Variants in KIRREL3 observed in about 807,000 individuals in gnomAD.
The protein encoded by KIRREL3 is kin of IRRE-like protein 3.
KIRREL3 carries 36 observed loss-of-function variants against 89.7 expected under a neutral mutation model. That is an observed-to-expected ratio of 0.40 (90% confidence interval 0.31 to 0.53). The LOEUF is 0.53. KIRREL3 is among the 20% of genes least tolerant of loss of function. KIRREL3 has a pLI of 0.49. For synonymous variants in KIRREL3, 445 were observed against 441.4 expected (o/e 1.01, Z -0.10); for missense variants, 864 against 1,056.6 (o/e 0.82, Z 2.53).
At position 126,561,064 on chromosome 11, in the gene KIRREL3, CG is replaced by C. The variant is rs1940083979; in HGVS notation, c.133+1770del. Among the ~76,000 whole-genome samples, 1 of 152,152 alleles carries C rather than the reference CG, an allele frequency of 6.6e-6. No individual in the cohort carries two copies. The highest frequency in any genetic ancestry group is 2.4e-5 in the African/African-American group (1 of 41,436). On this transcript the variant is annotated intron_variant, in intron 2 of 16. Coordinates refer to ENST00000525144, the MANE Select transcript of KIRREL3 (RefSeq NM_032531.4). This position sits in a 1 kb window ranked among gnomAD's most constrained non-coding sequence, Gnocchi z 4.5. ...ATCTGCAGACATGTTGGAGTTTGGGCGTATGAGCTTTAGAGAGAGAGAAATG... is the reference window on the plus strand; with the variant it reads ...ATCTGCAGACATGTTGGAGTTTGGGCTATGAGCTTTAGAGAGAGAGAAATG...
At chr11:126,856,223 T>C (rs1944501912) in intron 1 of KIRREL3, among the ~76,000 whole-genome samples, 1 of 152,150 alleles carries the variant, frequency 6.6e-6, no homozygotes, top group Non-Finnish European at 1.5e-5. Context: ...CACCAAGATC[T>C]TCATTAAAAT....
At chr11:126,794,862 G>A (rs1950755141) in intron 1 of KIRREL3, among the ~76,000 whole-genome samples, 1 of 152,202 alleles carries the variant, frequency 6.6e-6, no homozygotes, top group Admixed American at 6.5e-5. Flanking sequence ...CCCTCACTGG[G>A]TGAATGGATA....
intron 10 of KIRREL3, 44 bp from the exon 11 acceptor site, chr11:126,440,593 T>C (rs1287354626): frequency 1.5e-5 from 23 of 1,519,938 alleles, no homozygotes; most frequent in Admixed American, 5.8e-5. Flanking sequence ...GAAGGGCACG[T>C]CCCTGCTGGC....
chr11:126,556,532 T>A (rs915796416), intron 2 of KIRREL3, among the ~76,000 whole-genome samples: 4 of 152,084 alleles, frequency 2.6e-5, no homozygotes, highest in Non-Finnish European at 4.4e-5. Flanking sequence ...TTCTGGCTAC[T>A]TGGGAGGCTG....
At position 126,756,739 on chromosome 11, in the gene KIRREL3, C is replaced by T. The variant is rs61897928; in HGVS notation, c.56-193827G>A. 5.1e-3 allele frequency among the ~76,000 whole-genome samples: 778 copies of T among 152,382 alleles called. 3 individuals are homozygous for T. The highest frequency in any genetic ancestry group is 0.011 in the Admixed American group (166 of 15,312). On this transcript the variant is annotated intron_variant, in intron 1 of 16. Transcript: ENST00000525144. ...AAGCAGACATCTGCTCTCCATTCCA[C>T]CTCCACTCCCAATGTGCCAGCACAG...
chr11:126,669,668 A>G lies in KIRREL3; in HGVS notation c.56-106756T>C, dbSNP rs1945847425. On this transcript the variant is annotated intron_variant, in intron 1 of 16. Transcript: ENST00000525144. The surrounding 1 kb of genome is among the most constrained non-coding windows in gnomAD (Gnocchi z 5.0). ...CCAGTAAATGTTGGAGGACTCCTGC[A>G]CTTCCTCGTGGGCTTTTCTCTCTTC... 6.6e-6 allele frequency among the ~76,000 whole-genome samples: 1 copy of G among 152,094 alleles called. No individual in the cohort carries two copies. Among genetic ancestry groups the G allele is most frequent in the Non-Finnish European group, 1.5e-5 (1 of 68,016 alleles).
At position 126,531,669 on chromosome 11, in the gene KIRREL3, G is replaced by A. The variant is rs1056410612; in HGVS notation, c.134-4982C>T. On this transcript the variant is annotated intron_variant, in intron 2 of 16. Transcript: ENST00000525144. This position sits in a 1 kb window ranked among gnomAD's most constrained non-coding sequence, Gnocchi z 4.7. ...CCCAGATGGAATCTTCTTTTTTCTC[G>A]TCTTCTCTCTATATTCTCATCTTGC... 7.4e-5 allele frequency among the ~76,000 whole-genome samples: 11 copies of A among 148,406 alleles called. No homozygotes were observed. The highest frequency in any genetic ancestry group is 4.0e-4 in the East Asian group (2 of 5,008).
In KIRREL3 at chr11:126,999,229, C is replaced by T. The variant is rs79366772; in HGVS notation, c.55+1226G>A. Among the ~76,000 whole-genome samples, 4,771 of 152,076 alleles carry T rather than the reference C, an allele frequency of 0.031. 103 individuals carry two copies. The highest frequency in any genetic ancestry group is 0.11 in the Middle Eastern group (31 of 294). On this transcript the variant is annotated intron_variant, in intron 1 of 16. Coordinates refer to ENST00000525144, the MANE Select transcript of KIRREL3 (RefSeq NM_032531.4). The surrounding 1 kb of genome is among the most constrained non-coding windows in gnomAD (Gnocchi z 5.7). ...TGCACATACAAATATGAAGAAGGAG[C>T]CCCTTCGGTTTCATCAGGAGGACCA...
Position 126,562,908 on chromosome 11 carries a change from C to A in KIRREL3, c.60G>T (p.Leu20=), listed in dbSNP as rs1215470600. ...GACAGCATCCTCTCTTCTGGAGGCC[C>A]AGCTCTGGAAGAGAAGCATAGGTGG... ...FVCFFLFSQE[L]GLQKRGCCLV... Residue 20 remains leucine (L), a synonymous_variant, in exon 2 of 17, where the codon CTG becomes CTT. Coordinates refer to ENST00000525144, the MANE Select transcript of KIRREL3 (RefSeq NM_032531.4). The surrounding 1 kb of genome is among the most constrained non-coding windows in gnomAD (Gnocchi z 4.7). 2.5e-5 allele frequency: 40 copies of A among 1,613,452 alleles called. No individual in the cohort carries two copies. Among genetic ancestry groups the A allele is most frequent in the Non-Finnish European group, 3.3e-5 (39 of 1,179,538 alleles).
chr11:127,000,735 T>C lies in KIRREL3; in HGVS notation c.-226A>G, dbSNP rs1387889893. On this transcript the variant is annotated 5_prime_UTR_variant, in exon 1 of 17. Coordinates refer to ENST00000525144, the MANE Select transcript of KIRREL3 (RefSeq NM_032531.4). The surrounding 1 kb of genome is among the most constrained non-coding windows in gnomAD (Gnocchi z 7.1). ...TAGCCGCCTCGGGAAGCCGGGATTGTCAGCAATGTCCCCACTCGGAGAAGA... is the reference window on the plus strand; with the variant it reads ...TAGCCGCCTCGGGAAGCCGGGATTGCCAGCAATGTCCCCACTCGGAGAAGA... The C allele has an allele frequency of 5.5e-6, 3 of 541,796 alleles. No homozygotes were observed. The Admixed American group carries it at 9.9e-5, about 18-fold the overall frequency. The allele number at this position is 541,796 out of a possible 1,614,324, so 33.6% of individuals were successfully genotyped here.
At chr11:126,509,991 C>CAAAAA (rs58061522) in intron 4 of KIRREL3, among the ~76,000 whole-genome samples, 13 of 62,056 alleles carry the variant, frequency 2.1e-4, no homozygotes, top group East Asian at 7.8e-4. Flanking sequence ...GACTCCGTCT[C>CAAAAA]AAAAAAAAAA....
At chr11:126,518,736 C>G (rs1958496111) in intron 4 of KIRREL3, among the ~76,000 whole-genome samples, 1 of 152,234 alleles carries the variant, frequency 6.6e-6, no homozygotes, top group Non-Finnish European at 1.5e-5. Flanking sequence ...CATTCCCCTT[C>G]CCCAGACCAG....
At chr11:127,001,605 C>T (rs369913842), upstream of KIRREL3, among the ~76,000 whole-genome samples, 2 of 152,098 alleles carry the variant, frequency 1.3e-5, no homozygotes, top group East Asian at 1.9e-4. Flanking sequence ...TAGACAACTG[C>T]GTCCTAAGGA....
At chr11:126,442,311 AAAAC>A (rs1417473019) in intron 10 of KIRREL3, among the ~76,000 whole-genome samples, 1 of 40,598 alleles carries the variant, frequency 2.5e-5, no homozygotes, top group Non-Finnish European at 5.3e-5. Context: ...ACAGACACAC[AAAAC>A]ACACACACAC....
intron 1 of KIRREL3, among the ~76,000 whole-genome samples, chr11:126,654,805 T>A (rs141210496): frequency 1.3e-3 from 203 of 152,356 alleles, no homozygotes; most frequent in African/African-American, 3.5e-3. Context: ...TTTTTTATTT[T>A]TTTATTTTTT....
chr11:126,431,090 C>CAAGG lies in KIRREL3; in HGVS notation c.1696+325_1696+328dup. On this transcript the variant is annotated intron_variant, in intron 14 of 16. Transcript: ENST00000525144. This position sits in a 1 kb window ranked among gnomAD's most constrained non-coding sequence, Gnocchi z 7.1. ...CTCTAGACTAACAGCTCTTGTAGAG[C>CAAGG]AAGGATCAAACCACAAACCGCTTTT... 2 of 1,390,532 alleles carry CAAGG rather than the reference C, an allele frequency of 1.4e-6. No individual in the cohort carries two copies. The highest frequency in any genetic ancestry group is 3.5e-5 in the South Asian group (2 of 57,942). 86.1% of individuals were successfully genotyped at this position (1,390,532 alleles called of 1,614,324 possible).
intron 2 of KIRREL3, among the ~76,000 whole-genome samples, chr11:126,552,433 G>A (rs760067886): frequency 1.8e-4 from 28 of 151,866 alleles, no homozygotes; most frequent in Non-Finnish European, 2.2e-4. Context: ...TAGGAATTCT[G>A]ACATAAGGTT....
rs547148712 is a variant in KIRREL3 at position 126,668,364 on chromosome 11, C to G, written c.56-105452G>C. Among the ~76,000 whole-genome samples the G allele has an allele frequency of 6.6e-6, 1 of 152,146 alleles. No individual in the cohort carries two copies. Among genetic ancestry groups the G allele is most frequent in the African/African-American group, 2.4e-5 (1 of 41,426 alleles). On this transcript the variant is annotated intron_variant, in intron 1 of 16. Transcript: ENST00000525144. The surrounding 1 kb of genome is among the most constrained non-coding windows in gnomAD (Gnocchi z 4.4). ...AAGGCCTCACCTCCTAATACCGTAG[C>G]CTTGGAGGTGAGAATTTTAGCTTAT...
At chr11:126,878,474 G>T (rs1206322720) in intron 1 of KIRREL3, among the ~76,000 whole-genome samples, 1 of 151,544 alleles carries the variant, frequency 6.6e-6, no homozygotes, top group Admixed American at 6.6e-5. Flanking sequence ...AAAAACGAGA[G>T]AAAAAAATCA....
Sources: gnomAD v4.1 joint callset for allele counts (sites outside exome capture counted in the v4.1 genomes callset) on GRCh38, gnomAD v4.1.1 for gene constraint, Gnocchi (gnomAD v3.1) non-coding constraint, MANE v1.5 for transcripts, NCBI Gene and HGNC (gene_info 2026-07-23, HGNC 2026-07-21) for gene names.